Variants in MAP4 observed in about 807,000 individuals in gnomAD.
MAP4 encodes microtubule associated protein 4.
A neutral mutation model predicts 170.2 loss-of-function variants in MAP4; 76 were observed. The observed-to-expected ratio is 0.45, with a 90% CI of 0.37 to 0.54. The LOEUF is 0.54. Among genes scored for constraint, MAP4 ranks in the 20% least tolerant of loss-of-function variants. The pLI is 0.00. For missense variants in MAP4, 2,506 were observed against 2,748.0 expected, an observed-to-expected ratio of 0.91 and a Z score of 1.97; for synonymous variants, 909 against 994.5, an observed-to-expected ratio of 0.91 and a Z score of 1.62.
chr3:47,921,779 A>C lies in MAP4; in HGVS notation c.515T>G (p.Leu172Trp). 1 of 1,605,326 alleles carries C rather than the reference A, an allele frequency of 6.2e-7. No homozygotes were observed. Among genetic ancestry groups the C allele is most frequent in the Non-Finnish European group, 8.5e-7 (1 of 1,172,056 alleles). ...TSIFAGQNDP[L>W]KDSYGMSPCN... ...AGAAGCCATACCGTAACTGTCTTTC[A>C]AGGGATCATTTTGTCCTGCAAATAT... The change falls in exon 5 of 21, where the codon TTG becomes TGG. Residue 172 changes from leucine (L) to tryptophan (W), a missense_variant. This residue lies in a region of MAP4 where 2,008 missense variants were observed against 2,206.0 expected (regional missense o/e 0.91). Transcript: ENST00000683076.
chr3:47,945,564 G>GA (rs973010274), intron 3 of MAP4, among the ~76,000 whole-genome samples: 1 of 151,862 alleles, frequency 6.6e-6, no homozygotes, highest in African/African-American at 2.4e-5. Context: ...ATTTGGAGGG[G>GA]AAAAAATTCA....
intron 1 of MAP4, among the ~76,000 whole-genome samples, chr3:48,032,191 G>A (rs2100116512): frequency 1.3e-5 from 2 of 152,022 alleles, no homozygotes; most frequent in Non-Finnish European, 2.9e-5. Flanking sequence ...TCCTAGATGA[G>A]ATCCTAGAAC....
intron 3 of MAP4, among the ~76,000 whole-genome samples, chr3:47,954,831 A>G (rs1234327077): frequency 6.6e-6 from 1 of 152,150 alleles, no homozygotes; most frequent in African/African-American, 2.4e-5. Flanking sequence ...CTTTGTTGTT[A>G]TCTCCTCAGT....
chr3:47,896,448 G>A (rs2100026910), intron 10 of MAP4, among the ~76,000 whole-genome samples: 1 of 152,182 alleles, frequency 6.6e-6, no homozygotes, highest in Non-Finnish European at 1.5e-5. Flanking sequence ...AGAATCGCTT[G>A]AACCCGGGAG....
intron 1 of MAP4, among the ~76,000 whole-genome samples, chr3:48,087,743 G>GCACACGCA (rs1211603666): frequency 2.9e-5 from 2 of 67,948 alleles, no homozygotes; most frequent in Non-Finnish European, 6.3e-5. Context: ...ACACACGCAC[G>GCACACGCA]CGCACACACA....
intron 1 of MAP4, among the ~76,000 whole-genome samples, chr3:48,056,756 C>T (rs2100132050): frequency 1.6e-5 from 1 of 62,968 alleles, no homozygotes; most frequent in Admixed American, 1.2e-4. Context: ...TGAGGAGCCC[C>T]TCTGCCCGGC....
At chr3:48,045,304 T>TA (rs1248181762) in intron 1 of MAP4, among the ~76,000 whole-genome samples, 4 of 149,986 alleles carry the variant, frequency 2.7e-5, no homozygotes, top group Non-Finnish European at 5.9e-5. Context: ...AAAAACTCTG[T>TA]CAGTTATAAT....
chr3:47,853,065 A>T (rs200974649), intron 20 of MAP4, 98 bp downstream of exon 20: 24 of 1,614,084 alleles, frequency 1.5e-5, no homozygotes, highest in Non-Finnish European at 2.0e-5. Context: ...TTACTTCATT[A>T]AAATTTAGGC....
rs7620359 is a variant in MAP4, at chr3:48,005,137, G to A, written c.-19-6258C>T. Among the ~76,000 whole-genome samples the A allele has an allele frequency of 4.1e-3, 624 of 152,216 alleles. 7 individuals are homozygous for A. Among genetic ancestry groups the A allele is most frequent in the African/African-American group, 0.014 (598 of 41,536 alleles). On this transcript the variant is annotated intron_variant, in intron 1 of 20. Transcript: ENST00000683076. ...AATACTTTGTGAGGCCGAGGTGGGC[G>A]GATCACGAGGTCAGGAGTTCAAGAC...
At chr3:48,063,847 AAGT>A (rs1345891907) in intron 1 of MAP4, among the ~76,000 whole-genome samples, 3 of 152,220 alleles carry the variant, frequency 2.0e-5, no homozygotes, top group Non-Finnish European at 4.4e-5. Flanking sequence ...TAAGGGGAAG[AAGT>A]AGGGATAAAT....
At chr3:47,959,886 G>A (rs898063046) in intron 3 of MAP4, among the ~76,000 whole-genome samples, 2 of 151,320 alleles carry the variant, frequency 1.3e-5, no homozygotes, top group African/African-American at 2.4e-5. Context: ...TTTTTGAGAT[G>A]AAGTCTTGTT....
intron 10 of MAP4, among the ~76,000 whole-genome samples, chr3:47,884,400 T>C (rs979358108): frequency 6.6e-6 from 1 of 152,256 alleles, no homozygotes; most frequent in African/African-American, 2.4e-5. Flanking sequence ...AGAGAATTCA[T>C]AATTGCTTGT....
rs375614055 is a variant in MAP4 at position 47,852,866 on chromosome 3, G to A, written c.*68C>T. Reference sequence around the variant, plus strand: ...GGGCCGCCAGGGAAGTGTGGGGGGCGGGAGACAATGTCGGCCCCGTGGTCG... The same window carrying A: ...GGGCCGCCAGGGAAGTGTGGGGGGCAGGAGACAATGTCGGCCCCGTGGTCG... On this transcript the variant is annotated 3_prime_UTR_variant, in exon 21 of 21. Coordinates refer to ENST00000683076, the MANE Select transcript of MAP4 (RefSeq NM_001385682.1). 300 of 1,571,678 alleles carry A rather than the reference G, an allele frequency of 1.9e-4. No homozygotes were observed. The highest frequency in any genetic ancestry group is 2.2e-4 in the Non-Finnish European group (255 of 1,158,608).
Position 47,921,622 on chromosome 3 carries a change from A to G in MAP4, c.529+143T>C, listed in dbSNP as rs956208025. ...CTCATTCCCTAGGTACCTCTCATGT[A>G]CATATTAAATTCACATTTTAAACTT... On this transcript the variant is annotated intron_variant, in intron 5 of 20. Transcript: ENST00000683076. The G allele has an allele frequency of 5.0e-6, 3 of 599,152 alleles. No individual in the cohort carries two copies. The African/African-American group carries it at 5.6e-5, about 11-fold the overall frequency. The allele number at this position is 599,152 out of a possible 1,614,324, so 37.1% of individuals were successfully genotyped here.
chr3:48,084,386 TAAAAAAAAA>T, intron 1 of MAP4, among the ~76,000 whole-genome samples: 1 of 104,396 alleles, frequency 9.6e-6, no homozygotes, highest in South Asian at 3.1e-4. Flanking sequence ...ATCTCATCTC[TAAAAAAAAA>T]AAAAAAAAAG....
At chr3:48,028,382 G>C (rs1559817843) in intron 1 of MAP4, among the ~76,000 whole-genome samples, 1 of 152,122 alleles carries the variant, frequency 6.6e-6, no homozygotes, top group Non-Finnish European at 1.5e-5. Context: ...ATTTCTTATT[G>C]GTAGTAGAAT....
intron 1 of MAP4, among the ~76,000 whole-genome samples, chr3:48,051,802 CTT>C (rs1207950638): frequency 6.6e-6 from 1 of 152,128 alleles, no homozygotes; most frequent in South Asian, 2.1e-4. Context: ...CCCTAAGACT[CTT>C]TTTTCTATCA....
At chr3:48,005,855 T>C (rs1037742615) in intron 1 of MAP4, among the ~76,000 whole-genome samples, 1 of 152,182 alleles carries the variant, frequency 6.6e-6, no homozygotes, top group Non-Finnish European at 1.5e-5. Flanking sequence ...CCGCAGTCAC[T>C]CAATTACAAA....
intron 1 of MAP4, among the ~76,000 whole-genome samples, chr3:48,070,201 TTC>T (rs1344601694): frequency 6.6e-6 from 1 of 151,788 alleles, no homozygotes; most frequent in Non-Finnish European, 1.5e-5. Flanking sequence ...AGTCTCTTTT[TTC>T]TTTTTTTTTC....
Sources: gnomAD v4.1 joint callset for allele counts (sites outside exome capture counted in the v4.1 genomes callset) on GRCh38, gnomAD v4.1.1 for gene constraint, gnomAD v4.1.1 regional missense constraint, MANE v1.5 for transcripts, NCBI Gene and HGNC (gene_info 2026-07-23, HGNC 2026-07-21) for gene names.